C4orf51: variants seen among roughly 807,000 people sequenced by gnomAD.
C4orf51 encodes the protein uncharacterized protein C4orf51.
In C4orf51, 25 loss-of-function variants were observed where a neutral mutation model predicts 25.2. That is an observed-to-expected ratio of 0.99 (90% CI 0.72 to 1.39). C4orf51 has a LOEUF of 1.39. Among genes scored for constraint, C4orf51 ranks in the 40% most tolerant of loss-of-function variants. The probability of loss-of-function intolerance (pLI) is 0.00; values close to 1 mark genes in which losing one functional copy is unlikely to be tolerated. For synonymous variants in C4orf51, 100 were observed against 84.5 expected (o/e 1.18, Z -1.01); for missense variants, 252 against 239.6 (o/e 1.05, Z -0.34).
the C4orf51 span, among the ~76,000 whole-genome samples, chr4:145,792,295 C>T: frequency 6.6e-6 from 1 of 151,758 alleles, no homozygotes; most frequent in African/African-American, 2.4e-5. Flanking sequence ...AAATTTACTC[C>T]TACTCCTATT....
chr4:145,703,201 A>G (rs1730573216), intron 2 of C4orf51, among the ~76,000 whole-genome samples: 1 of 151,472 alleles, frequency 6.6e-6, no homozygotes, highest in Non-Finnish European at 1.5e-5. Context: ...CCACAAAACA[A>G]GTGTAAATGG....
At chr4:145,688,710 T>C (rs535022136) in intron 1 of C4orf51, among the ~76,000 whole-genome samples, 1 of 152,342 alleles carries the variant, frequency 6.6e-6, no homozygotes, top group South Asian at 2.1e-4. Flanking sequence ...AGTATCTTTA[T>C]AGCAGTGTGA....
At chr4:145,729,810 G>A (rs1732358699) in intron 4 of C4orf51, 82 bp from the exon 5 acceptor site, 4 of 1,171,536 alleles carry the variant, frequency 3.4e-6, no homozygotes, top group East Asian at 2.3e-5. Flanking sequence ...TTAAAACAAG[G>A]TTTGGGAATG....
intron 2 of C4orf51, among the ~76,000 whole-genome samples, chr4:145,717,177 G>A (rs990641288): frequency 5.3e-5 from 8 of 152,104 alleles, no homozygotes; most frequent in Non-Finnish European, 1.5e-5. Flanking sequence ...GAAGTTGGGT[G>A]GGTGGGGGCA....
downstream of C4orf51, among the ~76,000 whole-genome samples, chr4:145,735,058 T>C (rs1474614037): frequency 1.3e-5 from 2 of 152,044 alleles, no homozygotes; most frequent in African/African-American, 4.8e-5. Flanking sequence ...TTTGGTGCAG[T>C]GAGGAGATGA....
chr4:145,694,064 C>T (rs374751278), intron 1 of C4orf51, among the ~76,000 whole-genome samples: 37,742 of 104,644 alleles, frequency 0.36, 5,981 homozygotes, highest in Admixed American at 0.46. Flanking sequence ...ACCTCCCAGA[C>T]GGGGTCTCGG....
chr4:145,786,853 C>A, the C4orf51 span, among the ~76,000 whole-genome samples: 3 of 152,220 alleles, frequency 2.0e-5, no homozygotes, highest in Admixed American at 2.0e-4. Context: ...GGGTTACTTG[C>A]CAACATCTAC....
At chr4:145,703,103 G>C (rs1035861587) in intron 2 of C4orf51, among the ~76,000 whole-genome samples, 5 of 151,680 alleles carry the variant, frequency 3.3e-5, no homozygotes, top group African/African-American at 1.2e-4. Context: ...CCTGTGACTT[G>C]CACATATATG....
At chr4:145,767,683 A>G (rs566718455) in intron 1 of C4orf51, among the ~76,000 whole-genome samples, 10 of 152,378 alleles carry the variant, frequency 6.6e-5, no homozygotes, top group Admixed American at 6.5e-4. Flanking sequence ...ACTGGACACT[A>G]TGCAAGTAAG....
At position 145,707,830 on chromosome 4, in the gene C4orf51, A is replaced by G. The variant is rs563580070; in HGVS notation, c.307+11198A>G. 4.6e-5 allele frequency among the ~76,000 whole-genome samples: 7 copies of G among 152,320 alleles called. 1 individual carries two copies. The highest frequency in any genetic ancestry group is 4.6e-4 in the Admixed American group (7 of 15,308). On this transcript the variant is annotated intron_variant, in intron 2 of 5. Coordinates refer to ENST00000438731, the MANE Select transcript of C4orf51 (RefSeq NM_001080531.3). ...TCCTGAACCCAAAAGGGAAATTTAT[A>G]AGTTTACTTGCCACCTCCAGAGTTG...
At position 145,732,710 on chromosome 4, in the gene C4orf51, G is replaced by T. The variant is rs1262087645; in HGVS notation, c.*150G>T. On this transcript the variant is annotated 3_prime_UTR_variant, in exon 6 of 6. Coordinates refer to ENST00000438731, the MANE Select transcript of C4orf51 (RefSeq NM_001080531.3). ...TTGGCTTTCTGGGACAATTCCATGGGCTTCATTTATCAGTTTTTTCCCTTT... is the reference window on the plus strand; with the variant it reads ...TTGGCTTTCTGGGACAATTCCATGGTCTTCATTTATCAGTTTTTTCCCTTT... 9.9e-6 allele frequency: 5 copies of T among 505,928 alleles called. No homozygotes were observed. The highest frequency in any genetic ancestry group is 1.4e-5 in the Non-Finnish European group (4 of 283,802). 31.3% of individuals were successfully genotyped at this position (505,928 alleles called of 1,614,324 possible). A position where few individuals can be genotyped will look rare whatever the true frequency, so the allele number is the denominator to read the frequency against.
Position 145,761,087 on chromosome 4 carries a change from A to G in C4orf51, n.167-9901A>G. On this transcript the variant is annotated intron_variant and non_coding_transcript_variant, in intron 1 of 1. Transcript: ENST00000510096. The surrounding 1 kb of genome is among the most constrained non-coding windows in gnomAD (Gnocchi z 6.8). Reference sequence around the variant, plus strand: ...GAGGCAGACATAACTGACAGGGGAGACAGGAGATTCCGGGAGCTCCCGACC... The same window carrying G: ...GAGGCAGACATAACTGACAGGGGAGGCAGGAGATTCCGGGAGCTCCCGACC... 4 of 1,289,472 alleles carry G rather than the reference A, an allele frequency of 3.1e-6. No homozygotes were observed. The highest frequency in any genetic ancestry group is 4.0e-6 in the Non-Finnish European group (4 of 988,704). The allele number at this position is 1,289,472 out of a possible 1,614,324, so 79.9% of individuals were successfully genotyped here. A position where few individuals can be genotyped will look rare whatever the true frequency, so the allele number is the denominator to read the frequency against.
At chr4:145,746,209 C>G (rs1242595268) in intron 1 of C4orf51, among the ~76,000 whole-genome samples, 4 of 151,982 alleles carry the variant, frequency 2.6e-5, no homozygotes, top group Non-Finnish European at 4.4e-5. Context: ...TGTGGAGAAG[C>G]TTTTAACTTG....
At chr4:145,710,599 A>G (rs1291497742) in intron 2 of C4orf51, among the ~76,000 whole-genome samples, 1 of 152,156 alleles carries the variant, frequency 6.6e-6, no homozygotes, top group African/African-American at 2.4e-5. Context: ...TTTGCCTCTT[A>G]ATGTGCACAC....
intron 1 of C4orf51, among the ~76,000 whole-genome samples, chr4:145,764,082 G>A (rs962877400): frequency 2.6e-5 from 4 of 152,134 alleles, no homozygotes; most frequent in African/African-American, 9.7e-5. Flanking sequence ...TGACGAACAT[G>A]TTTTAAAACA....
chr4:145,684,715 GA>G (rs1486925103), intron 1 of C4orf51, among the ~76,000 whole-genome samples: 1 of 152,048 alleles, frequency 6.6e-6, no homozygotes, highest in East Asian at 1.9e-4. Context: ...AGGTTTATGG[GA>G]AATCTCTGTA....
chr4:145,789,031 A>C, the C4orf51 span, among the ~76,000 whole-genome samples: 1 of 152,240 alleles, frequency 6.6e-6, no homozygotes, highest in Non-Finnish European at 1.5e-5. Context: ...AGTTCTAGAC[A>C]ATGAGATATA....
downstream of C4orf51, among the ~76,000 whole-genome samples, chr4:145,756,373 A>G (rs1292626773): frequency 6.6e-6 from 1 of 152,168 alleles, no homozygotes; most frequent in Non-Finnish European, 1.5e-5. Flanking sequence ...TTAAAATTCA[A>G]TCAAAGGCCT....
chr4:145,686,814 A>G (rs970573439), intron 1 of C4orf51, among the ~76,000 whole-genome samples: 1 of 152,210 alleles, frequency 6.6e-6, no homozygotes, highest in Non-Finnish European at 1.5e-5. Flanking sequence ...AAATTATCAT[A>G]ATGAAGCACT....
Sources: allele counts gnomAD v4.1 joint callset (sites outside exome capture counted in the v4.1 genomes callset), GRCh38; gene constraint gnomAD v4.1.1; non-coding constraint Gnocchi (gnomAD v3.1); transcripts MANE v1.5; gene names NCBI Gene and HGNC (gene_info 2026-07-23, HGNC 2026-07-21).